Variants in USP40 observed in about 807,000 individuals in gnomAD.
The protein encoded by USP40 is ubiquitin carboxyl-terminal hydrolase 40.
Under a neutral mutation model 166.2 loss-of-function variants are expected in USP40, and 143 were observed. The observed-to-expected ratio is 0.86, with a 90% CI of 0.75 to 0.99. USP40 has a LOEUF of 0.99. Ranked by LOEUF, USP40 falls within the 50% of genes least tolerant of loss-of-function variation. USP40 has a pLI of 0.00. For missense variants in USP40, 1,444 were observed against 1,479.7 expected (o/e 0.98, Z 0.40); for synonymous variants, 498 against 524.0 (o/e 0.95, Z 0.68).
At chr2:233,531,100 T>C (rs935973487) in intron 11 of USP40, among the ~76,000 whole-genome samples, 1 of 152,206 alleles carries the variant, frequency 6.6e-6, no homozygotes, top group Admixed American at 6.5e-5. Flanking sequence ...AACTTCCCAG[T>C]TGTATTTATT....
chr2:233,555,652 T>TTTG (rs2071010236), intron 5 of USP40, among the ~76,000 whole-genome samples: 1 of 151,134 alleles, frequency 6.6e-6, no homozygotes, highest in African/African-American at 2.4e-5. Flanking sequence ...TTTTTTTTTT[T>TTTG]TTGAGACGGA....
Position 233,554,366 on chromosome 2 carries a change from T to C in USP40, c.693+14A>G, listed in dbSNP as rs971720983. ...AAGTGGGGACCCTGGGAAAAAGCAG[T>C]TATCTGTCTTTACCTTTGCTGCTTT... On this transcript the variant is annotated intron_variant, in intron 6 of 31. Coordinates refer to ENST00000678225, the MANE Select transcript of USP40 (RefSeq NM_001365479.2). The C allele has an allele frequency of 1.6e-5, 25 of 1,590,436 alleles. No individual in the cohort carries two copies. The highest frequency in any genetic ancestry group is 2.3e-5 in the South Asian group (2 of 86,330).
At position 233,551,526 on chromosome 2, in the gene USP40, AAAGAAAAATTTAC is replaced by A; in HGVS notation, c.694-20_694-8del. ...GCTTACGTAATTTGGCCGACTGTTA[AAAGAAAAATTTAC>A]AAAGCTTTTTAAAAACAGGGTTATA... On this transcript the variant is annotated splice_region_variant and splice_polypyrimidine_tract_variant and intron_variant, in intron 6 of 31. Transcript: ENST00000678225. The A allele has an allele frequency of 6.3e-7, 1 of 1,579,186 alleles. No individual in the cohort carries two copies. The highest frequency in any genetic ancestry group is 8.6e-7 in the Non-Finnish European group (1 of 1,166,102).
intron 13 of USP40, among the ~76,000 whole-genome samples, chr2:233,526,797 C>CCT (rs1553566759): frequency 2.0e-4 from 31 of 152,028 alleles, no homozygotes; most frequent in Non-Finnish European, 4.1e-4. Flanking sequence ...AATCACACTG[C>CCT]CTCAACTTCA....
intron 10 of USP40, among the ~76,000 whole-genome samples, chr2:233,536,592 A>G (rs561562535): frequency 6.6e-6 from 1 of 152,278 alleles, no homozygotes; most frequent in South Asian, 2.1e-4. Context: ...CAGAGATTGC[A>G]GTGAGCTGAG....
At chr2:233,499,833 T>G (rs758909102) in intron 22 of USP40, 46 bp downstream of exon 22, 2 of 1,570,262 alleles carry the variant, frequency 1.3e-6, no homozygotes, top group South Asian at 1.2e-5. Context: ...TCAAAAAAAT[T>G]TTTATTAGGC....
At chr2:233,489,720 C>A in intron 26 of USP40, 1 of 443,796 alleles carries the variant, frequency 2.3e-6, no homozygotes, top group Non-Finnish European at 4.0e-6. Flanking sequence ...AGTGAGTTCC[C>A]TCTCTCTAAA....
rs1419169271 is a variant in USP40, at chr2:233,493,228, G to A, written c.2917+197C>T. 2 of 679,224 alleles carry A rather than the reference G, an allele frequency of 2.9e-6. No individual in the cohort carries two copies. The highest frequency in any genetic ancestry group is 3.6e-5 in the African/African-American group (2 of 55,320). The allele number at this position is 679,224 out of a possible 1,614,324, so 42.1% of individuals were successfully genotyped here. On this transcript the variant is annotated intron_variant, in intron 25 of 31. Transcript: ENST00000678225. This position sits in a 1 kb window ranked among gnomAD's most constrained non-coding sequence, Gnocchi z 4.7. ...ACAACAAGATATATAGTGCTTTACA[G>A]AGGTTACAGAGCACGTACAGAAATG...
intron 6 of USP40, among the ~76,000 whole-genome samples, chr2:233,553,039 G>A (rs989943922): frequency 1.0e-5 from 1 of 97,474 alleles, no homozygotes; most frequent in African/African-American, 3.9e-5. Flanking sequence ...AGATAATAAC[G>A]ACAGCAGCAG....
At chr2:233,532,358 A>G (rs976264737) in intron 11 of USP40, among the ~76,000 whole-genome samples, 3 of 152,090 alleles carry the variant, frequency 2.0e-5, no homozygotes, top group Non-Finnish European at 4.4e-5. Context: ...CATGATAGTG[A>G]CCTTTGTAAC....
chr2:233,544,095 G>C (rs1244335540), intron 8 of USP40, among the ~76,000 whole-genome samples: 2 of 152,048 alleles, frequency 1.3e-5, no homozygotes, highest in East Asian at 3.9e-4. Flanking sequence ...AGTCCCTAGG[G>C]TACTCACACT....
intron 21 of USP40, among the ~76,000 whole-genome samples, chr2:233,503,350 G>GT (rs2066208347): frequency 6.6e-6 from 1 of 152,068 alleles, no homozygotes; most frequent in Non-Finnish European, 1.5e-5. Context: ...AAGACACAGC[G>GT]TATCTATTTA....
At chr2:233,560,029 G>A (rs1386448756) in intron 3 of USP40, 105 bp from the exon 4 acceptor site, 1 of 658,730 alleles carries the variant, frequency 1.5e-6, no homozygotes, top group Non-Finnish European at 2.4e-6. Flanking sequence ...GTTCATTCAG[G>A]AGAAAGTTTA....
chr2:233,478,968 C>T (rs994022978), intron 31 of USP40, among the ~76,000 whole-genome samples: 3 of 151,630 alleles, frequency 2.0e-5, no homozygotes, highest in East Asian at 1.9e-4. Context: ...TTTGAAAGCA[C>T]GTGACACTAT....
chr2:233,487,848 TATGTC>T (rs1559216164), intron 28 of USP40: 3 of 458,190 alleles, frequency 6.5e-6, no homozygotes, highest in South Asian at 3.4e-5. Flanking sequence ...TAAGTACAGA[TATGTC>T]AGGTGATACT....
Position 233,503,885 on chromosome 2 carries a change from G to A in USP40, c.2614-3970C>T, listed in dbSNP as rs377532878. 1.4e-3 allele frequency among the ~76,000 whole-genome samples: 210 copies of A among 152,170 alleles called. 1 individual carries two copies. Among genetic ancestry groups the A allele is most frequent in the African/African-American group, 4.5e-3 (188 of 41,534 alleles). On this transcript the variant is annotated intron_variant, in intron 21 of 31. Transcript: ENST00000678225. ...ATCATACTTGGAATACCCCAGTGTC[G>A]CAATGGTGCTATATAAATTTATCAA...
intron 21 of USP40, among the ~76,000 whole-genome samples, chr2:233,507,119 G>A (rs1445288624): frequency 6.6e-6 from 1 of 152,018 alleles, no homozygotes; most frequent in East Asian, 1.9e-4. Flanking sequence ...AAACCACAAT[G>A]AAGTACCATC....
intron 29 of USP40, 22 bp from the exon 30 acceptor site, chr2:233,485,648 T>G (rs2064897404): frequency 6.4e-7 from 1 of 1,573,468 alleles, no homozygotes; most frequent in Non-Finnish European, 8.6e-7. Flanking sequence ...TCAAACATCT[T>G]AAATAAGCAA....
chr2:233,496,838 A>T lies in USP40; in HGVS notation c.2716-6T>A, dbSNP rs563648307. Reference sequence around the variant, plus strand: ...AGTTCTTTCAGTGTTGCATCCTGGGAAGACAAAAATGCTTTTTTGTCACTT... The same window carrying T: ...AGTTCTTTCAGTGTTGCATCCTGGGTAGACAAAAATGCTTTTTTGTCACTT... On this transcript the variant is annotated splice_polypyrimidine_tract_variant and splice_region_variant and intron_variant, in intron 23 of 31. Coordinates refer to ENST00000678225, the MANE Select transcript of USP40 (RefSeq NM_001365479.2). 88 of 1,611,596 alleles carry T rather than the reference A, an allele frequency of 5.5e-5. No individual in the cohort carries two copies. The highest frequency in any genetic ancestry group is 3.6e-4 in the South Asian group (33 of 90,718).
Sources: allele counts gnomAD v4.1 joint callset (sites outside exome capture counted in the v4.1 genomes callset), GRCh38; gene constraint gnomAD v4.1.1; non-coding constraint Gnocchi (gnomAD v3.1); transcripts MANE v1.5; gene names NCBI Gene and HGNC (gene_info 2026-07-23, HGNC 2026-07-21).